The following RAD51B variants were observed in gnomAD, a reference collection of about 807,000 sequenced individuals.
RAD51B encodes RAD51 paralog B.
In RAD51B, 38 loss-of-function variants were observed where a neutral mutation model predicts 42.2. The observed-to-expected ratio is 0.90, with a 90% CI of 0.70 to 1.18. The LOEUF (loss-of-function observed/expected upper bound fraction) is 1.18. RAD51B is among the 50% of genes most tolerant of loss of function. The probability of loss-of-function intolerance (pLI) is 0.00; values close to 1 mark genes in which losing one functional copy is unlikely to be tolerated. For synonymous variants in RAD51B, 154 were observed against 145.2 expected (o/e 1.06, Z -0.43); for missense variants, 373 against 400.7 (o/e 0.93, Z 0.59).
intron 7 of RAD51B, among the ~76,000 whole-genome samples, chr14:68,016,265 T>C (rs1038085102): frequency 6.6e-6 from 1 of 152,156 alleles, no homozygotes; most frequent in African/African-American, 2.4e-5. Context: ...AACTGACTGA[T>C]CAGGATAATT....
chr14:68,173,398 T>TC (rs1223325929), intron 7 of RAD51B, among the ~76,000 whole-genome samples: 3 of 152,172 alleles, frequency 2.0e-5, no homozygotes, highest in Non-Finnish European at 4.4e-5. Flanking sequence ...GGCCTTAGAA[T>TC]CCAAGATTTT....
intron 7 of RAD51B, among the ~76,000 whole-genome samples, chr14:68,153,061 A>G (rs966571219): frequency 6.6e-6 from 1 of 152,190 alleles, no homozygotes; most frequent in Non-Finnish European, 1.5e-5. Flanking sequence ...TGCAATGAAC[A>G]TACATGTGCT....
At chr14:67,925,924 A>G (rs1051584381) in intron 7 of RAD51B, among the ~76,000 whole-genome samples, 1 of 152,108 alleles carries the variant, frequency 6.6e-6, no homozygotes, top group African/African-American at 2.4e-5. Context: ...GCTGGAATGC[A>G]GGGCACCAAG....
At chr14:68,537,092 CA>C (rs5809385) in intron 10 of RAD51B, among the ~76,000 whole-genome samples, 35 of 104,724 alleles carry the variant, frequency 3.3e-4, no homozygotes, top group Middle Eastern at 5.5e-3. Context: ...GGTCCTGTCT[CA>C]AAAAAAAAAA....
At chr14:68,574,389 C>T (rs1159325020) in intron 10 of RAD51B, among the ~76,000 whole-genome samples, 1 of 152,222 alleles carries the variant, frequency 6.6e-6, no homozygotes, top group Non-Finnish European at 1.5e-5. Flanking sequence ...CACCCGGCCA[C>T]AGCTACTTCC....
intron 7 of RAD51B, among the ~76,000 whole-genome samples, chr14:68,118,971 T>TA (rs2077596245): frequency 6.6e-6 from 1 of 152,054 alleles, no homozygotes; most frequent in African/African-American, 2.4e-5. Flanking sequence ...TTTTTTTTTT[T>TA]ATTGAGACAA....
intron 4 of RAD51B, chr14:67,843,292 T>TCCCCCC (rs36088278): frequency 7.2e-6 from 1 of 138,802 alleles, no homozygotes; most frequent in African/African-American, 2.7e-5. Flanking sequence ...ATGCTGTCCC[T>TCCCCCC]CCCCCCCTCC....
chr14:68,141,422 A>T (rs1166334452), intron 7 of RAD51B, among the ~76,000 whole-genome samples: 2 of 152,162 alleles, frequency 1.3e-5, no homozygotes, highest in African/African-American at 4.8e-5. Flanking sequence ...TTTTCTCTGC[A>T]TGGGAAAGAA....
intron 7 of RAD51B, among the ~76,000 whole-genome samples, chr14:68,009,377 A>G (rs914174067): frequency 1.3e-5 from 2 of 151,952 alleles, no homozygotes; most frequent in African/African-American, 2.4e-5. Flanking sequence ...CAATATCCTT[A>G]TCTGTAAAGT....
At chr14:68,299,644 A>G (rs2081683710) in intron 8 of RAD51B, among the ~76,000 whole-genome samples, 3 of 152,150 alleles carry the variant, frequency 2.0e-5, no homozygotes, top group Non-Finnish European at 4.4e-5. Context: ...TAATTATCCC[A>G]TTTTGTAGAT....
At chr14:67,895,022 A>G (rs1328103702) in intron 7 of RAD51B, among the ~76,000 whole-genome samples, 3 of 152,070 alleles carry the variant, frequency 2.0e-5, no homozygotes, top group Admixed American at 6.6e-5. Flanking sequence ...CAGTCTGCCC[A>G]CTGTGGCCTC....
At chr14:68,546,201 G>A (rs1197447238) in intron 10 of RAD51B, among the ~76,000 whole-genome samples, 3 of 152,222 alleles carry the variant, frequency 2.0e-5, no homozygotes, top group South Asian at 4.1e-4. Flanking sequence ...CCAAGGTTGG[G>A]AGATCCTGGA....
At chr14:67,937,464 A>G (rs569771240) in intron 7 of RAD51B, among the ~76,000 whole-genome samples, 22 of 152,352 alleles carry the variant, frequency 1.4e-4, no homozygotes, top group African/African-American at 5.3e-4. Context: ...TCAAATCACC[A>G]CCAGAGAAAT....
chr14:67,915,852 C>T (rs2044133827), intron 7 of RAD51B, among the ~76,000 whole-genome samples: 1 of 152,058 alleles, frequency 6.6e-6, no homozygotes, highest in Non-Finnish European at 1.5e-5. Context: ...AAGCTTTTTT[C>T]CTCCCTAGCT....
intron 10 of RAD51B, among the ~76,000 whole-genome samples, chr14:68,568,260 A>C (rs1889521090): frequency 6.6e-6 from 1 of 152,246 alleles, no homozygotes; most frequent in South Asian, 2.1e-4. Context: ...ATGGCACTTG[A>C]TGTGTAGCCT....
At chr14:68,341,464 A>G (rs559095634) in intron 8 of RAD51B, among the ~76,000 whole-genome samples, 2 of 152,310 alleles carry the variant, frequency 1.3e-5, no homozygotes, top group African/African-American at 4.8e-5. Flanking sequence ...TTTTATTAAT[A>G]AAGTGATTTC....
chr14:68,556,934 T>G (rs1407547450), intron 10 of RAD51B, among the ~76,000 whole-genome samples: 1 of 152,062 alleles, frequency 6.6e-6, no homozygotes, highest in Non-Finnish European at 1.5e-5. Flanking sequence ...TCACACCTCA[T>G]TCCATGGCAT....
intron 10 of RAD51B, among the ~76,000 whole-genome samples, chr14:68,524,065 T>A (rs1284496482): frequency 2.0e-5 from 3 of 152,120 alleles, no homozygotes; most frequent in Non-Finnish European, 4.4e-5. Context: ...CCAGACACTG[T>A]TCTAAGGGCT....
intron 7 of RAD51B, among the ~76,000 whole-genome samples, chr14:67,961,721 A>G (rs2074672225): frequency 6.6e-6 from 1 of 151,012 alleles, no homozygotes; most frequent in Non-Finnish European, 1.5e-5. Context: ...TTTTCTCAGT[A>G]TTTTTTTTTC....
Sources: allele counts gnomAD v4.1 joint callset (sites outside exome capture counted in the v4.1 genomes callset), GRCh38; gene constraint gnomAD v4.1.1; transcripts MANE v1.5; gene names NCBI Gene and HGNC (gene_info 2026-07-23, HGNC 2026-07-21).